The following MECOM variants were observed in gnomAD, a reference collection of about 807,000 sequenced individuals.
MECOM encodes the protein histone-lysine N-methyltransferase MECOM.
A neutral mutation model predicts 116.3 loss-of-function variants in MECOM; 13 were observed. The observed-to-expected ratio is 0.11, with a 90% confidence interval of 0.07 to 0.18. The LOEUF is 0.18. MECOM is among the 10% of genes least tolerant of loss of function. The probability of loss-of-function intolerance (pLI) is 1.00; values close to 1 mark genes in which losing one functional copy is unlikely to be tolerated. For synonymous variants in MECOM, 528 were observed against 535.2 expected (o/e 0.99, Z 0.19); for missense variants, 1,299 against 1,509.0 (o/e 0.86, Z 2.31).
chr3:169,321,713 G>C (rs1037797204), intron 2 of MECOM, among the ~76,000 whole-genome samples: 16 of 152,096 alleles, frequency 1.1e-4, no homozygotes, highest in Admixed American at 6.5e-5. Context: ...AGCGTGGTCA[G>C]GGAGGACTTG....
intron 2 of MECOM, among the ~76,000 whole-genome samples, chr3:169,157,408 A>T (rs912395721): frequency 2.6e-5 from 4 of 152,230 alleles, no homozygotes; most frequent in African/African-American, 9.6e-5. Context: ...TATTTCAATG[A>T]CTGTAGCCAA....
At chr3:169,549,037 G>A (rs565493215) in intron 1 of MECOM, among the ~76,000 whole-genome samples, 2 of 145,498 alleles carry the variant, frequency 1.4e-5, no homozygotes, top group Admixed American at 7.1e-5. Flanking sequence ...GCAGTGGCAC[G>A]ATCTCAGCTC....
At chr3:169,632,913 C>A (rs1231569757) in intron 1 of MECOM, among the ~76,000 whole-genome samples, 1 of 152,184 alleles carries the variant, frequency 6.6e-6, no homozygotes, top group East Asian at 1.9e-4. Context: ...TATTTCTTGG[C>A]CTTAGCATCT....
In MECOM at chr3:169,145,758, C is replaced by A. The variant is rs1577164766; in HGVS notation, c.376-1926G>T. The A allele has an allele frequency of 9.6e-5, 21 of 217,628 alleles. No individual in the cohort carries two copies. The East Asian group carries it at 1.4e-3, about 14-fold the overall frequency. 13.5% of individuals were successfully genotyped at this position (217,628 alleles called of 1,614,324 possible). Reference sequence around the variant, plus strand: ...AGGGAGTTAAGTATTACATACACTGCACATAAAAATTGTAGGTGTAATTTT... The same window carrying A: ...AGGGAGTTAAGTATTACATACACTGAACATAAAAATTGTAGGTGTAATTTT... On this transcript the variant is annotated intron_variant, in intron 2 of 16. Transcript: ENST00000651503.
At chr3:169,523,436 T>A (rs1301762849) in intron 1 of MECOM, among the ~76,000 whole-genome samples, 2 of 148,054 alleles carry the variant, frequency 1.4e-5, no homozygotes, top group Admixed American at 6.7e-5. Context: ...GCAGGTAATT[T>A]TTTTTTTTTT....
intron 2 of MECOM, among the ~76,000 whole-genome samples, chr3:169,174,211 C>T (rs1229963780): frequency 6.6e-6 from 1 of 152,162 alleles, no homozygotes; most frequent in Non-Finnish European, 1.5e-5. Context: ...CATGTATATA[C>T]ATTTTGCCAG....
chr3:169,578,022 G>T (rs1180942695), intron 1 of MECOM, among the ~76,000 whole-genome samples: 2 of 151,932 alleles, frequency 1.3e-5, no homozygotes, highest in South Asian at 4.2e-4. Context: ...CAGAGTTGAT[G>T]CTTCGTACTA....
chr3:169,276,575 AGTCTAC>A (rs1759606506), intron 2 of MECOM, among the ~76,000 whole-genome samples: 1 of 149,518 alleles, frequency 6.7e-6, no homozygotes. Context: ...AAAAAAAAAA[AGTCTAC>A]AACATGACAT....
intron 1 of MECOM, among the ~76,000 whole-genome samples, chr3:169,390,362 C>A (rs1577956886): frequency 6.6e-6 from 1 of 152,320 alleles, no homozygotes; most frequent in East Asian, 1.9e-4. Context: ...TTGCTCTAAC[C>A]AGTGAAACTG....
chr3:169,374,080 T>C (rs544151417), intron 2 of MECOM, among the ~76,000 whole-genome samples: 4 of 151,794 alleles, frequency 2.6e-5, no homozygotes, highest in Middle Eastern at 3.4e-3. Context: ...ACCAATCCAA[T>C]AGGATTAGTG....
At chr3:169,129,919 G>A (rs573772628) in intron 4 of MECOM, among the ~76,000 whole-genome samples, 17 of 152,256 alleles carry the variant, frequency 1.1e-4, no homozygotes, top group African/African-American at 3.1e-4. Context: ...AATATAGAGA[G>A]AGTATATAAT....
chr3:169,260,461 A>ATT (rs200384707), intron 2 of MECOM, among the ~76,000 whole-genome samples: 194 of 141,422 alleles, frequency 1.4e-3, no homozygotes, highest in African/African-American at 4.4e-3. Flanking sequence ...GCATGCAATG[A>ATT]TTTTTTTTTT....
At chr3:169,134,161 T>C (rs1735666142) in intron 3 of MECOM, among the ~76,000 whole-genome samples, 1 of 152,242 alleles carries the variant, frequency 6.6e-6, no homozygotes, top group Admixed American at 6.5e-5. Flanking sequence ...CTATTAATCA[T>C]GTCTCTTTTA....
intron 8 of MECOM, among the ~76,000 whole-genome samples, chr3:169,114,350 A>T (rs561033551): frequency 6.6e-6 from 1 of 152,312 alleles, no homozygotes; most frequent in South Asian, 2.1e-4. Context: ...AGTCCTTTCC[A>T]TACTGACAGT....
intron 1 of MECOM, among the ~76,000 whole-genome samples, chr3:169,481,774 C>T (rs1272492032): frequency 6.6e-6 from 1 of 152,092 alleles, no homozygotes; most frequent in Non-Finnish European, 1.5e-5. Flanking sequence ...ATGAACATTA[C>T]TGCAATGACT....
intron 2 of MECOM, among the ~76,000 whole-genome samples, chr3:169,377,715 CTGT>C (rs1731279578): frequency 6.6e-6 from 1 of 152,174 alleles, no homozygotes; most frequent in Non-Finnish European, 1.5e-5. Context: ...TGATTTTACA[CTGT>C]TGGTGGGAGT....
At chr3:169,308,341 T>C (rs1045712594) in intron 2 of MECOM, among the ~76,000 whole-genome samples, 1 of 152,188 alleles carries the variant, frequency 6.6e-6, no homozygotes, top group African/African-American at 2.4e-5. Context: ...TCCTGAATAT[T>C]GGTATTTACA....
At chr3:169,503,307 GA>G (rs1754774209) in intron 1 of MECOM, among the ~76,000 whole-genome samples, 1 of 152,094 alleles carries the variant, frequency 6.6e-6, no homozygotes, top group Non-Finnish European at 1.5e-5. Context: ...CTTAGACAAA[GA>G]AAACGTTGGT....
intron 2 of MECOM, among the ~76,000 whole-genome samples, chr3:169,354,540 G>C (rs1447646459): frequency 1.3e-5 from 2 of 151,732 alleles, no homozygotes; most frequent in African/African-American, 4.8e-5. Context: ...TAGTTTGGTC[G>C]TATTACCCAT....
Sources: gnomAD v4.1 joint callset for allele counts (sites outside exome capture counted in the v4.1 genomes callset) on GRCh38, gnomAD v4.1.1 for gene constraint, MANE v1.5 for transcripts, NCBI Gene and HGNC (gene_info 2026-07-23, HGNC 2026-07-21) for gene names.